The following RELN variants were observed in gnomAD, a reference collection of about 807,000 sequenced individuals.
The protein encoded by RELN is reelin.
RELN carries 108 observed loss-of-function variants against 427.6 expected under a neutral mutation model. The observed-to-expected ratio is 0.25, with a 90% CI of 0.22 to 0.30. The LOEUF is 0.30. RELN is among the 10% of genes least tolerant of loss of function. The pLI, the probability that RELN is intolerant of heterozygous loss-of-function variation, is 1.00. For missense variants in RELN, 3,715 were observed against 4,302.8 expected (o/e 0.86, Z 3.82); for synonymous variants, 1,524 against 1,513.4 (o/e 1.01, Z -0.16).
At chr7:103,851,796 C>T (rs981631307) in intron 2 of RELN, among the ~76,000 whole-genome samples, 1 of 152,210 alleles carries the variant, frequency 6.6e-6, no homozygotes, top group Non-Finnish European at 1.5e-5. Context: ...TGCTCCTACA[C>T]ATTATCCAGC....
chr7:103,481,888 G>C (rs1828252226), intron 63 of RELN: 1 of 152,236 alleles, frequency 6.6e-6, no homozygotes, highest in Non-Finnish European at 1.5e-5. Flanking sequence ...TGTGGAGGCA[G>C]AGCCCAGCAA....
At position 103,596,516 on chromosome 7, in the gene RELN, T is replaced by C. The variant is rs1175826619; in HGVS notation, c.3479A>G (p.Asn1160Ser). 4.3e-6 allele frequency: 7 copies of C among 1,613,966 alleles called. No homozygotes were observed. The highest frequency in any genetic ancestry group is 2.2e-5 in the East Asian group (1 of 44,864). ...TAGCAGGTGCCACTGGATGCCCCCATTGTTGCTGTACTGAAGGAGGACGCC... is the reference window on the plus strand; with the variant it reads ...TAGCAGGTGCCACTGGATGCCCCCACTGTTGCTGTACTGAAGGAGGACGCC... ...EEGVLLQYSN[N>S]GGIQWHLLAE... Residue 1160 changes from asparagine (N) to serine (S), a missense_variant, in exon 25 of 65, where the codon AAT (asparagine) becomes AGT (serine). By Grantham distance (46) the Asn-to-Ser change is conservative. Coordinates refer to ENST00000428762, the MANE Select transcript of RELN (RefSeq NM_005045.4).
At chr7:103,675,056 GA>G (rs1337166596) in intron 11 of RELN, among the ~76,000 whole-genome samples, 7 of 152,152 alleles carry the variant, frequency 4.6e-5, no homozygotes, top group African/African-American at 7.2e-5. Flanking sequence ...GCAGGAGAAA[GA>G]AATAAAGTGT....
chr7:103,514,278 TG>T (rs1829503139), intron 50 of RELN, among the ~76,000 whole-genome samples: 2 of 152,212 alleles, frequency 1.3e-5, no homozygotes, highest in African/African-American at 4.8e-5. Flanking sequence ...ATATGTGGCA[TG>T]GCAAAGATAC....
rs59027355 is a variant in RELN at position 103,969,543 on chromosome 7, T to G, written c.226+19588A>C. ...AATTAGTAGGAGAAAAATTTTCTAT[T>G]AATAAATGATACTGGGAAAACTGGC... is the stretch of plus-strand genomic sequence containing the variant. On this transcript the variant is annotated intron_variant, in intron 1 of 64. Transcript: ENST00000428762. Among the ~76,000 whole-genome samples, 966 of 152,320 alleles carry G rather than the reference T, an allele frequency of 6.3e-3. 12 individuals are homozygous for G. Among genetic ancestry groups the G allele is most frequent in the African/African-American group, 0.021 (886 of 41,584 alleles).
chr7:103,531,218 G>T (rs1829930867), intron 46 of RELN, among the ~76,000 whole-genome samples: 1 of 152,180 alleles, frequency 6.6e-6, no homozygotes, highest in African/African-American at 2.4e-5. Flanking sequence ...CAGATGAAGA[G>T]ACTGAAGTTT....
At position 103,576,789 on chromosome 7, in the gene RELN, T is replaced by C. The variant is rs556854909; in HGVS notation, c.4146-1084A>G. 1.4e-4 allele frequency among the ~76,000 whole-genome samples: 21 copies of C among 152,336 alleles called. 1 individual carries two copies. The highest frequency in any genetic ancestry group is 3.3e-4 in the Admixed American group (5 of 15,290). The stretch of plus-strand genomic sequence containing the variant: ...ACTGCCAAAGAACAAAAGAAGGACC[T>C]AGTCCCAGTACTTCAAAACCCTGGA... On this transcript the variant is annotated intron_variant, in intron 28 of 64. Coordinates refer to ENST00000428762, the MANE Select transcript of RELN (RefSeq NM_005045.4).
chr7:103,780,403 T>C (rs1171460571), intron 3 of RELN, among the ~76,000 whole-genome samples: 1 of 152,258 alleles, frequency 6.6e-6, no homozygotes, highest in Non-Finnish European at 1.5e-5. Flanking sequence ...AAAAATGTTT[T>C]AACATTTATT....
At chr7:103,880,377 T>C (rs1008358953) in intron 2 of RELN, among the ~76,000 whole-genome samples, 2 of 152,226 alleles carry the variant, frequency 1.3e-5, no homozygotes, top group Non-Finnish European at 2.9e-5. Context: ...TCATCTGTGA[T>C]GCAGATCATG....
chr7:103,642,945 T>C (rs766334906), intron 16 of RELN, among the ~76,000 whole-genome samples: 12 of 152,080 alleles, frequency 7.9e-5, no homozygotes, highest in Non-Finnish European at 1.2e-4. Context: ...CCTTCATCTT[T>C]AGATGTTTTT....
chr7:103,663,457 G>C (rs536501583), intron 11 of RELN, among the ~76,000 whole-genome samples: 1 of 152,202 alleles, frequency 6.6e-6, no homozygotes, highest in South Asian at 2.1e-4. Context: ...GCTTTCTCTA[G>C]TCACATCCTT....
Position 103,629,839 on chromosome 7 carries a change from T to TA in RELN, c.2702+100dup, listed in dbSNP as rs1832412101. ...TTTCAAGTAGTTCCTATTTAGTAAA[T>TA]ACTTGTCAACAAATGACTAAATGCT... On this transcript the variant is annotated intron_variant, in intron 20 of 64. Coordinates refer to ENST00000428762, the MANE Select transcript of RELN (RefSeq NM_005045.4). 3 of 847,644 alleles carry TA rather than the reference T, an allele frequency of 3.5e-6. No homozygotes were observed. The South Asian group carries it at 4.0e-5, about 11-fold the overall frequency. 52.5% of individuals were successfully genotyped at this position (847,644 alleles called of 1,614,324 possible).
At chr7:103,501,032 T>C (rs1363376135) in intron 52 of RELN, 110 bp from the exon 53 acceptor site, 5 of 952,586 alleles carry the variant, frequency 5.2e-6, no homozygotes, top group Non-Finnish European at 8.4e-6. Context: ...TAAGATACTC[T>C]TACTAGATGA....
intron 2 of RELN, among the ~76,000 whole-genome samples, chr7:103,876,479 T>C (rs1383407442): frequency 1.3e-5 from 2 of 150,690 alleles, no homozygotes; most frequent in South Asian, 2.2e-4. Context: ...TGCTTAAATA[T>C]ATAAAGCACA....
Position 103,542,805 on chromosome 7 carries a change from A to T in RELN, c.6597T>A (p.Ser2199Arg), listed in dbSNP as rs1353952617. The change falls in exon 43 of 65, where the codon AGT becomes AGA. Residue 2199 changes from serine to arginine, a missense_variant. Around this residue, in one of 4 missense-constraint regions of RELN, gnomAD observed 1,310 missense variants for 1,643.0 expected, o/e 0.80. Coordinates refer to ENST00000428762, the MANE Select transcript of RELN (RefSeq NM_005045.4). ...KPSRKCGILS[S>R]GNNLFFNEDG... ...CTTCATTGAAAAAGAGGTTGTTTCC[A>T]CTAGAAAGGATTCCACACTTTCGAG... The T allele has an allele frequency of 6.2e-7, 1 of 1,614,016 alleles. No homozygotes were observed. The highest frequency in any genetic ancestry group is 1.7e-5 in the Admixed American group (1 of 60,006).
chr7:103,739,360 G>A (rs1471984788), intron 6 of RELN, among the ~76,000 whole-genome samples: 2 of 152,146 alleles, frequency 1.3e-5, no homozygotes, highest in Non-Finnish European at 2.9e-5. Flanking sequence ...TTAGTTATAC[G>A]AGGTTTTCCT....
chr7:103,920,421 ATCAG>A (rs1424296377), intron 1 of RELN, among the ~76,000 whole-genome samples: 6 of 152,168 alleles, frequency 3.9e-5, no homozygotes, highest in African/African-American at 9.7e-5. Context: ...TTCCAAGATT[ATCAG>A]TCAAATGATC....
At chr7:103,556,492 T>C (rs1275307727) in intron 38 of RELN, among the ~76,000 whole-genome samples, 1 of 152,124 alleles carries the variant, frequency 6.6e-6, no homozygotes, top group East Asian at 1.9e-4. Context: ...ACGGTTTGGC[T>C]CTGTGTCCCC....
intron 2 of RELN, among the ~76,000 whole-genome samples, chr7:103,860,308 A>C (rs939894471): frequency 6.6e-6 from 1 of 152,164 alleles, no homozygotes; most frequent in Non-Finnish European, 1.5e-5. Context: ...TAAGGTATTA[A>C]GTTTTTGTTT....
Sources: allele counts gnomAD v4.1 joint callset (sites outside exome capture counted in the v4.1 genomes callset), GRCh38; gene constraint gnomAD v4.1.1; regional missense constraint gnomAD v4.1.1; transcripts MANE v1.5; gene names NCBI Gene and HGNC (gene_info 2026-07-23, HGNC 2026-07-21).